Variants in LACTBL1 observed in about 807,000 individuals in gnomAD.
The protein encoded by LACTBL1 is lactamase beta like 1.
LACTBL1 carries 29 observed loss-of-function variants against 39.6 expected under a neutral mutation model. The ratio of observed to expected loss-of-function variants is 0.73; its 90% CI spans 0.55 to 1.00. The LOEUF is 1.00. Ranked by LOEUF, LACTBL1 falls within the 50% of genes least tolerant of loss-of-function variation. The pLI is 0.00. For missense variants in LACTBL1, 711 were observed against 748.5 expected, an observed-to-expected ratio of 0.95 and a Z score of 0.59; for synonymous variants, 361 against 360.7, an observed-to-expected ratio of 1.00 and a Z score of -0.01.
exon 5 of LACTBL1, chr1:22,955,345 A>C: frequency 1.3e-6 from 2 of 1,550,506 alleles, no homozygotes; most frequent in Non-Finnish European, 1.7e-6. Context: ...CACTACCAGC[A>C]CATCGTCCTT....
chr1:22,966,749 T>G (rs1021936073), upstream of LACTBL1, among the ~76,000 whole-genome samples: 23 of 152,230 alleles, frequency 1.5e-4, no homozygotes, highest in African/African-American at 5.5e-4. Flanking sequence ...GAACTCAACA[T>G]CCAAAACAGA....
At chr1:22,959,978 G>A (rs576413585) in exon 3 of LACTBL1, 257 of 1,551,140 alleles carry the variant, frequency 1.7e-4, no homozygotes, top group African/African-American at 7.9e-4. Flanking sequence ...CCCAGAAGCC[G>A]GGTCTGAGCC....
At chr1:22,957,065 A>G (rs1437436997) in intron 4 of LACTBL1, among the ~76,000 whole-genome samples, 4 of 152,118 alleles carry the variant, frequency 2.6e-5, no homozygotes, top group Non-Finnish European at 4.4e-5. Context: ...ATTCATATAC[A>G]CATATCCATT....
At chr1:22,967,796 G>T (rs1369763878), upstream of LACTBL1, among the ~76,000 whole-genome samples, 1 of 151,828 alleles carries the variant, frequency 6.6e-6, no homozygotes, top group Non-Finnish European at 1.5e-5. Context: ...TATTTACTTT[G>T]TCTGTTCAGT....
intron 4 of LACTBL1, among the ~76,000 whole-genome samples, chr1:22,956,544 G>T (rs553398823): frequency 7.6e-4 from 116 of 152,250 alleles, no homozygotes; most frequent in African/African-American, 2.7e-3. Flanking sequence ...ATGGGTTTAT[G>T]ACTGCAGATA....
At position 22,953,997 on chromosome 1, in the gene LACTBL1, C is replaced by T. The variant is rs546295666; in HGVS notation, c.687G>A (p.Ser229=). The T allele has an allele frequency of 5.1e-5, 79 of 1,542,446 alleles. No homozygotes were observed. In the African/African-American group the frequency reaches 8.9e-4, roughly 17 times the overall value. Residue 229 remains serine, a synonymous_variant, in exon 6 of 6, where the codon TCG becomes TCA. Coordinates refer to ENST00000426928, the Ensembl canonical transcript of LACTBL1. ...GAGCTGCCAGGACGTGGGCCAGGAG[C>T]GAGAAGGCCAGCGTGCTGTAATGGC...
At chr1:22,972,139 AGATGATGAT>A in the LACTBL1 span, among the ~76,000 whole-genome samples, 6,970 of 148,312 alleles carry the variant, frequency 0.047, 503 homozygotes, top group African/African-American at 0.16. Flanking sequence ...CAAGCTCTAG[AGATGATGAT>A]GATGATGATG....
At chr1:22,953,436 G>A in exon 6 of LACTBL1, 3 of 1,227,468 alleles carry the variant, frequency 2.4e-6, no homozygotes, top group Non-Finnish European at 3.0e-6. Context: ...GGCCGGGCTC[G>A]GCCTCCCGGA....
chr1:22,958,783 G>A (rs940334340), exon 4 of LACTBL1: 26 of 1,550,544 alleles, frequency 1.7e-5, no homozygotes, highest in African/African-American at 1.4e-5. Context: ...CTGTTCGGCT[G>A]ATGCCAGGCC....
the LACTBL1 span, among the ~76,000 whole-genome samples, chr1:22,970,809 CAAA>C: frequency 8.7e-5 from 7 of 80,170 alleles, no homozygotes; most frequent in Non-Finnish European, 1.6e-4. Flanking sequence ...GACCCTGTCT[CAAA>C]AAAAAAAAAA....
At chr1:22,972,304 C>A in the LACTBL1 span, 1 of 985,186 alleles carries the variant, frequency 1.0e-6, no homozygotes. Context: ...CTGTGCCTCA[C>A]CTGGGTCTTC....
intron 1 of LACTBL1, among the ~76,000 whole-genome samples, chr1:22,965,062 T>C (rs1364083296): frequency 6.6e-6 from 1 of 152,252 alleles, no homozygotes; most frequent in Admixed American, 6.5e-5. Context: ...GAAACCCCAG[T>C]GGCATCAGGA....
upstream of LACTBL1, among the ~76,000 whole-genome samples, chr1:22,968,706 A>G (rs1640908404): frequency 6.6e-6 from 1 of 152,188 alleles, no homozygotes. Context: ...TAGCTCAGCC[A>G]CTTACCACTG....
intron 1 of LACTBL1, among the ~76,000 whole-genome samples, chr1:22,964,501 G>C (rs1640858176): frequency 6.6e-6 from 1 of 152,194 alleles, no homozygotes; most frequent in African/African-American, 2.4e-5. Flanking sequence ...GCCCAAGCTA[G>C]ACCAGCAGCA....
chr1:22,969,660 C>G (rs1184867334), upstream of LACTBL1, among the ~76,000 whole-genome samples: 3 of 151,464 alleles, frequency 2.0e-5, no homozygotes, highest in Non-Finnish European at 4.4e-5. Context: ...TTGCCCCTCT[C>G]TGTACTTTTG....
chr1:22,965,573 A>G (rs1197443486), upstream of LACTBL1: 1 of 238,322 alleles, frequency 4.2e-6, no homozygotes, highest in East Asian at 1.8e-4. Flanking sequence ...TTGTGAAACC[A>G]ATGCCCTTCC....
chr1:22,961,657 C>A (rs553198443), intron 2 of LACTBL1, among the ~76,000 whole-genome samples: 1 of 152,210 alleles, frequency 6.6e-6, no homozygotes, highest in African/African-American at 2.4e-5. Flanking sequence ...AGCCACCGCA[C>A]CTGGCCCCTA....
At chr1:22,969,245 C>T (rs1640914226), upstream of LACTBL1, among the ~76,000 whole-genome samples, 1 of 152,166 alleles carries the variant, frequency 6.6e-6, no homozygotes, top group South Asian at 2.1e-4. Context: ...TACTTTTACA[C>T]ACAAAAGAAT....
At chr1:22,953,358 C>T in exon 6 of LACTBL1, 1 of 1,228,882 alleles carries the variant, frequency 8.1e-7, no homozygotes. Flanking sequence ...CGGCGCGCAC[C>T]TCGTAGAAGG....
Sources: allele counts gnomAD v4.1 joint callset (sites outside exome capture counted in the v4.1 genomes callset), GRCh38; gene constraint gnomAD v4.1.1; transcripts MANE v1.5; gene names NCBI Gene and HGNC (gene_info 2026-07-23, HGNC 2026-07-21).